The following LINGO2 variants were observed in gnomAD, a reference collection of about 807,000 sequenced individuals.
LINGO2 encodes the protein leucine rich repeat and Ig domain containing 2, also known as leucine-rich repeat and immunoglobulin-like domain-containing nogo receptor-interacting protein 2.
In LINGO2, 14 loss-of-function variants were observed where a neutral mutation model predicts 30.6. That is an observed-to-expected ratio of 0.46 (90% CI 0.30 to 0.72). The LOEUF (loss-of-function observed/expected upper bound fraction) is 0.72, where lower values mean the gene tolerates loss of function less well. Ranked by LOEUF, LINGO2 falls within the 30% of genes least tolerant of loss-of-function variation. The pLI, the probability that LINGO2 is intolerant of heterozygous loss-of-function variation, is 0.07. For missense variants in LINGO2, 729 were observed against 751.7 expected (o/e 0.97, Z 0.35); for synonymous variants, 317 against 288.5 (o/e 1.10, Z -1.00).
intron 1 of LINGO2, among the ~76,000 whole-genome samples, chr9:28,522,885 G>GA (rs918213668): frequency 0.01 from 1,474 of 144,500 alleles, 23 homozygotes; most frequent in African/African-American, 0.032. Flanking sequence ...GTAGAAATCA[G>GA]AAAAAAAAAA....
rs1308310062 is a variant in LINGO2 at position 28,615,138 on chromosome 9, G to A, written c.-365+55062C>T. ...ATGGAAGACAAAAAGAAAATTTAAT[G>A]TCACTTCTGCCATACGAGAATGTGT... is the stretch of plus-strand genomic sequence containing the variant. On this transcript the variant is annotated intron_variant, in intron 1 of 5. Coordinates refer to ENST00000379992, the Ensembl canonical transcript of LINGO2. Among the ~76,000 whole-genome samples the A allele has an allele frequency of 3.9e-5, 6 of 152,082 alleles. 1 individual carries two copies. Among genetic ancestry groups the A allele is most frequent in the Non-Finnish European group, 7.4e-5 (5 of 67,980 alleles).
the LINGO2 span, among the ~76,000 whole-genome samples, chr9:29,133,605 G>A: frequency 6.6e-6 from 1 of 151,924 alleles, no homozygotes; most frequent in Non-Finnish European, 1.5e-5. Context: ...TTTTTAAAAT[G>A]CAAAATTTCA....
chr9:28,362,563 C>T (rs1029418585), intron 3 of LINGO2, among the ~76,000 whole-genome samples: 4 of 151,994 alleles, frequency 2.6e-5, no homozygotes, highest in African/African-American at 4.8e-5. Flanking sequence ...CTCCGCCTCC[C>T]AGGTTCAAGC....
At chr9:28,387,802 G>C (rs192262981) in intron 2 of LINGO2, among the ~76,000 whole-genome samples, 3 of 152,100 alleles carry the variant, frequency 2.0e-5, no homozygotes, top group Non-Finnish European at 2.9e-5. Context: ...CACTCACTGC[G>C]AAGGTCTGCA....
At chr9:29,114,182 T>A in the LINGO2 span, among the ~76,000 whole-genome samples, 29,430 of 151,372 alleles carry the variant, frequency 0.19, 2,999 homozygotes, top group South Asian at 0.24. Context: ...ATATATATAT[T>A]TTTTTTAAGC....
At chr9:28,575,194 G>C (rs535504285) in intron 1 of LINGO2, among the ~76,000 whole-genome samples, 2 of 151,960 alleles carry the variant, frequency 1.3e-5, no homozygotes, top group Non-Finnish European at 2.9e-5. Context: ...ATGAGGTCAC[G>C]AGTTCAAGAC....
chr9:28,355,324 TC>T (rs1455827819), intron 3 of LINGO2, among the ~76,000 whole-genome samples: 1 of 132,398 alleles, frequency 7.6e-6, no homozygotes, highest in African/African-American at 2.8e-5. Flanking sequence ...TCTCTCTCTC[TC>T]TGTCTCTGTC....
At chr9:28,029,819 G>A (rs533170417) in intron 4 of LINGO2, among the ~76,000 whole-genome samples, 1 of 152,292 alleles carries the variant, frequency 6.6e-6, no homozygotes, top group South Asian at 2.1e-4. Context: ...TTCTTCAACT[G>A]TTGTATGTAT....
chr9:28,277,812 T>G lies in LINGO2; in HGVS notation c.-87+17396A>C, dbSNP rs535380990. On this transcript the variant is annotated intron_variant, in intron 4 of 5. Transcript: ENST00000379992. ...CCTGGGCAATAAGAGTGAAACTCCA[T>G]CTCAAAAAACAAAACAAAACAAAAC... 1.4e-3 allele frequency among the ~76,000 whole-genome samples: 188 copies of G among 136,562 alleles called. 1 individual carries two copies. The highest frequency in any genetic ancestry group is 5.3e-3 in the African/African-American group (180 of 34,252). 89.6% of individuals were successfully genotyped at this position (136,562 alleles called of 152,430 possible).
At chr9:29,081,742 T>C in the LINGO2 span, among the ~76,000 whole-genome samples, 4 of 152,174 alleles carry the variant, frequency 2.6e-5, no homozygotes, top group African/African-American at 4.8e-5. Context: ...AGTCTGAGGA[T>C]ACAAAATCAA....
intron 4 of LINGO2, among the ~76,000 whole-genome samples, chr9:28,284,388 T>C (rs931588593): frequency 6.6e-6 from 1 of 152,166 alleles, no homozygotes; most frequent in African/African-American, 2.4e-5. Context: ...CCAAAACCAA[T>C]AGTTTACAAA....
At chr9:28,883,795 A>G in the LINGO2 span, among the ~76,000 whole-genome samples, 1 of 150,142 alleles carries the variant, frequency 6.7e-6, no homozygotes, top group Non-Finnish European at 1.5e-5. Context: ...CTCCTGCCTC[A>G]GCCTCCCGAG....
intron 1 of LINGO2, among the ~76,000 whole-genome samples, chr9:28,536,369 T>C (rs1220050547): frequency 6.6e-6 from 1 of 152,174 alleles, no homozygotes; most frequent in Non-Finnish European, 1.5e-5. Context: ...AAAGGGAATA[T>C]TTTGGGTTGT....
intron 4 of LINGO2, chr9:28,080,861 C>T (rs1825753497): frequency 6.6e-6 from 1 of 152,170 alleles, no homozygotes; most frequent in Non-Finnish European, 1.5e-5. Flanking sequence ...ATACTTTCAG[C>T]TTTAATGGGA....
the LINGO2 span, among the ~76,000 whole-genome samples, chr9:28,861,742 C>T: frequency 2.0e-5 from 3 of 151,814 alleles, no homozygotes; most frequent in Non-Finnish European, 4.4e-5. Flanking sequence ...CCAGCCAGGG[C>T]AACATATGTT....
intron 3 of LINGO2, among the ~76,000 whole-genome samples, chr9:28,352,157 T>G (rs900198174): frequency 4.0e-5 from 6 of 151,680 alleles, no homozygotes; most frequent in Admixed American, 3.3e-4. Flanking sequence ...CCAGGGCTAT[T>G]AGGCAGGAGA....
At chr9:28,487,730 A>G (rs1826227201) in intron 1 of LINGO2, among the ~76,000 whole-genome samples, 1 of 152,176 alleles carries the variant, frequency 6.6e-6, no homozygotes, top group South Asian at 2.1e-4. Context: ...GCTGCTAGCT[A>G]CATTCAGACT....
intron 2 of LINGO2, among the ~76,000 whole-genome samples, chr9:28,375,196 G>A (rs950843383): frequency 7.9e-5 from 12 of 151,698 alleles, no homozygotes; most frequent in Admixed American, 3.3e-4. Context: ...CAATGGGACC[G>A]TTCAATTATC....
the LINGO2 span, among the ~76,000 whole-genome samples, chr9:29,088,299 G>A: frequency 2.0e-5 from 3 of 152,070 alleles, no homozygotes; most frequent in Admixed American, 2.0e-4. Context: ...AGTGTCCAAA[G>A]CAAATACACA....
Sources: gnomAD v4.1 joint callset for allele counts (sites outside exome capture counted in the v4.1 genomes callset) on GRCh38, gnomAD v4.1.1 for gene constraint, MANE v1.5 for transcripts, NCBI Gene and HGNC (gene_info 2026-07-23, HGNC 2026-07-21) for gene names.